IL17RB: variants seen among roughly 807,000 people sequenced by gnomAD.
IL17RB encodes interleukin-17 receptor B.
In IL17RB, 36 loss-of-function variants were observed where a neutral mutation model predicts 43.9. The ratio of observed to expected loss-of-function variants is 0.82; its 90% CI spans 0.63 to 1.08. The LOEUF (loss-of-function observed/expected upper bound fraction) is 1.08, where lower values mean the gene tolerates loss of function less well. Among genes scored for constraint, IL17RB ranks in the 50% least tolerant of loss-of-function variants. The probability of loss-of-function intolerance (pLI) is 0.00; values close to 1 mark genes in which losing one functional copy is unlikely to be tolerated. For missense variants in IL17RB, 613 were observed against 613.6 expected (o/e 1.00, Z 0.01); for synonymous variants, 225 against 225.4 (o/e 1.00, Z 0.02).
chr3:53,860,213 C>A lies in IL17RB; in HGVS notation c.931C>A (p.Leu311Ile), dbSNP rs946706683. ...ATWVLVAGIYLMWRHERIKKT... is the reference protein window; with the variant it reads ...ATWVLVAGIYIMWRHERIKKT... ...ATGGGTGCTGGTGGCAGGGATCTAT[C>A]TAATGTGGAGGCACGGTAAGGGTTA... The change falls in exon 10 of 11, where the codon CTA (leucine) becomes ATA (isoleucine). Residue 311 changes from leucine (L) to isoleucine (I), a missense_variant. Physicochemically the swap from Leu to Ile is conservative, Grantham distance 5 (BLOSUM62 2). Coordinates refer to ENST00000288167, the MANE Select transcript of IL17RB (RefSeq NM_018725.4). 7 of 1,613,146 alleles carry A rather than the reference C, an allele frequency of 4.3e-6. No homozygotes were observed. Among genetic ancestry groups the A allele is most frequent in the Middle Eastern group, 1.7e-4 (1 of 5,986 alleles).
intron 1 of IL17RB, among the ~76,000 whole-genome samples, chr3:53,847,872 C>G (rs1281943315): frequency 6.6e-6 from 1 of 152,080 alleles, no homozygotes; most frequent in Non-Finnish European, 1.5e-5. Context: ...GACAATTTTG[C>G]CCAAACTCAA....
Position 53,860,035 on chromosome 3 carries a change from A to G in IL17RB, c.848-95A>G, listed in dbSNP as rs1699502176. On this transcript the variant is annotated intron_variant, in intron 9 of 10. Transcript: ENST00000288167. ...AAAACTAAAAAATAATAAAAAATAAATAAACCTCTATAAAGTATACCAAGT... is the reference window on the plus strand; with the variant it reads ...AAAACTAAAAAATAATAAAAAATAAGTAAACCTCTATAAAGTATACCAAGT... 3 of 844,958 alleles carry G rather than the reference A, an allele frequency of 3.6e-6. No homozygotes were observed. In the African/African-American group the frequency reaches 5.1e-5, roughly 14 times the overall value. 52.3% of individuals were successfully genotyped at this position (844,958 alleles called of 1,614,324 possible).
intron 3 of IL17RB, among the ~76,000 whole-genome samples, chr3:53,850,107 G>A (rs528638978): frequency 3.9e-4 from 60 of 152,308 alleles, no homozygotes; most frequent in African/African-American, 1.4e-3. Flanking sequence ...AAAAGAGTTT[G>A]TACATTTATA....
At position 53,855,328 on chromosome 3, in the gene IL17RB, G is replaced by T. The variant is rs772381710; in HGVS notation, c.516G>T (p.Lys172Asn). Reference protein sequence around the residue: ...CLDHIMKYKKKCVKAGSLWDP... With the variant: ...CLDHIMKYKKNCVKAGSLWDP... ...ACCACATAATGAAATATAAAAAAAA[G>T]TGTGTCAAGGCCGGTAAGTAAATAC... is the stretch of plus-strand genomic sequence containing the variant. The change falls in exon 6 of 11, where the codon AAG becomes AAT. Residue 172 changes from lysine (K) to asparagine (N), a missense_variant. Coordinates refer to ENST00000288167, the MANE Select transcript of IL17RB (RefSeq NM_018725.4). 6.2e-7 allele frequency: 1 copy of T among 1,605,574 alleles called. No individual in the cohort carries two copies. Among genetic ancestry groups the T allele is most frequent in the South Asian group, 1.1e-5 (1 of 90,398 alleles).
Position 53,865,068 on chromosome 3 carries a change from C to T in IL17RB, c.1269C>T (p.Phe423=), listed in dbSNP as rs747392178. The T allele has an allele frequency of 1.2e-6, 2 of 1,614,124 alleles. No individual in the cohort carries two copies. Among genetic ancestry groups the T allele is most frequent in the Non-Finnish European group, 1.7e-6 (2 of 1,179,980 alleles). The change falls in exon 11 of 11, where the codon TTC becomes TTT. Residue 423 remains phenylalanine (F), a synonymous_variant. Transcript: ENST00000288167. The stretch of plus-strand genomic sequence containing the variant: ...CCAGTGAGAACTCTCAAGACCTCTT[C>T]CCCCTTGCCTTTAACCTTTTCTGCA... The part of the protein sequence containing the change: ...GSPSENSQDL[F]PLAFNLFCSD...
At chr3:53,864,367 T>C (rs902264847) in intron 10 of IL17RB, among the ~76,000 whole-genome samples, 9 of 152,142 alleles carry the variant, frequency 5.9e-5, no homozygotes, top group Admixed American at 5.2e-4. Context: ...AAACCCCGTC[T>C]CTACTAAAAG....
In IL17RB at chr3:53,852,012, G is replaced by T. The variant is rs1178692366; in HGVS notation, c.240G>T (p.Leu80Phe). ...CTATCTCGGCAGCCAGCATCCGCTT[G>T]TTGAAGGCCACCAAGATTTGTGTGA... ...WVLRADASIR[L>F]LKATKICVTG... Residue 80 changes from leucine to phenylalanine, a missense_variant, in exon 4 of 11, where the codon TTG (leucine) becomes TTT (phenylalanine). Coordinates refer to ENST00000288167, the MANE Select transcript of IL17RB (RefSeq NM_018725.4). The T allele has an allele frequency of 1.9e-6, 3 of 1,614,140 alleles. No individual in the cohort carries two copies. Among genetic ancestry groups the T allele is most frequent in the Non-Finnish European group, 2.5e-6 (3 of 1,180,024 alleles).
chr3:53,856,816 A>G, intron 6 of IL17RB, 28 bp from the exon 7 acceptor site: 1 of 1,613,608 alleles, frequency 6.2e-7, no homozygotes, highest in African/African-American at 1.3e-5. Context: ...TAGCAAGTTC[A>G]TCTACATGGT....
At chr3:53,859,941 C>T (rs887310602) in intron 9 of IL17RB, 189 bp from the exon 10 acceptor site, 5 of 474,604 alleles carry the variant, frequency 1.1e-5, no homozygotes, top group Admixed American at 3.4e-5. Context: ...ACCCGGGAGA[C>T]GGAGGCTGCA....
In IL17RB at chr3:53,862,506, A is replaced by G. The variant is rs146589871; in HGVS notation, c.947-2240A>G. On this transcript the variant is annotated intron_variant, in intron 10 of 10. Transcript: ENST00000288167. Reference sequence around the variant, plus strand: ...CTTCACAGGATTTACAACAGAGCCAATCAAGGAAAGAGATTGTAGATGTGG... The same window carrying G: ...CTTCACAGGATTTACAACAGAGCCAGTCAAGGAAAGAGATTGTAGATGTGG... 2.6e-3 allele frequency among the ~76,000 whole-genome samples: 389 copies of G among 152,340 alleles called. 4 individuals carry two copies. The highest frequency in any genetic ancestry group is 9.0e-3 in the African/African-American group (373 of 41,570).
intron 8 of IL17RB, chr3:53,858,014 AG>A (rs1699410316): frequency 3.2e-6 from 1 of 308,326 alleles, no homozygotes; most frequent in Non-Finnish European, 6.3e-6. Flanking sequence ...GAAGCTGCAA[AG>A]GGTTTGAAAT....
At chr3:53,846,797 C>A in intron 1 of IL17RB, 149 bp downstream of exon 1, 2 of 795,848 alleles carry the variant, frequency 2.5e-6, no homozygotes, top group Non-Finnish European at 3.8e-6. Context: ...CAGCCCCGGA[C>A]ATCGGCGTCA....
intron 5 of IL17RB, among the ~76,000 whole-genome samples, chr3:53,854,847 T>G (rs1275569533): frequency 1.3e-5 from 2 of 152,130 alleles, no homozygotes; most frequent in Admixed American, 1.3e-4. Context: ...GGTTTTCGAG[T>G]CCTCTCTTAG....
Position 53,855,284 on chromosome 3 carries a change from A to T in IL17RB, c.482-10A>T. On this transcript the variant is annotated splice_polypyrimidine_tract_variant and intron_variant, in intron 5 of 10. Coordinates refer to ENST00000288167, the MANE Select transcript of IL17RB (RefSeq NM_018725.4). ...TTCTAAAATGTAAAAACTTTCATTC[A>T]AATTTCCAGGCTGCCTAGACCACAT... The T allele has an allele frequency of 6.2e-7, 1 of 1,600,730 alleles. No homozygotes were observed. Among genetic ancestry groups the T allele is most frequent in the Non-Finnish European group, 8.5e-7 (1 of 1,170,202 alleles).
chr3:53,851,371 C>T (rs932825982), intron 3 of IL17RB, among the ~76,000 whole-genome samples: 6 of 152,006 alleles, frequency 3.9e-5, no homozygotes, highest in Non-Finnish European at 5.9e-5. Flanking sequence ...TGGGATAGGG[C>T]GAGAGGAGCT....
rs1699176318 is a variant in IL17RB at position 53,852,200 on chromosome 3, G to A, written c.354+74G>A. ...TCTGTCACCCAGGCTGGAGTGCAGT[G>A]GTGCGATCATGGCTCACTGCGACCT... is the stretch of plus-strand genomic sequence containing the variant. On this transcript the variant is annotated intron_variant, in intron 4 of 10. Coordinates refer to ENST00000288167, the MANE Select transcript of IL17RB (RefSeq NM_018725.4). 5 of 1,386,916 alleles carry A rather than the reference G, an allele frequency of 3.6e-6. No individual in the cohort carries two copies. In the Admixed American group the frequency reaches 5.5e-5, roughly 15 times the overall value. The allele number at this position is 1,386,916 out of a possible 1,614,324, so 85.9% of individuals were successfully genotyped here.
chr3:53,849,994 G>A (rs1404517055), intron 3 of IL17RB, among the ~76,000 whole-genome samples, 199 bp downstream of exon 3: 3 of 152,200 alleles, frequency 2.0e-5, no homozygotes, highest in Non-Finnish European at 2.9e-5. Context: ...ATGCCCAACA[G>A]TAGAAAGGAA....
At position 53,856,961 on chromosome 3, in the gene IL17RB, T is replaced by C; in HGVS notation, c.647T>C (p.Ile216Thr). 1 of 1,614,100 alleles carries C rather than the reference T, an allele frequency of 6.2e-7. No homozygotes were observed. Among genetic ancestry groups the C allele is most frequent in the South Asian group, 1.1e-5 (1 of 91,084 alleles). Residue 216 changes from isoleucine to threonine, a missense_variant, in exon 7 of 11, where the codon ATC becomes ACC. Physicochemically the swap from Ile to Thr is moderately conservative, Grantham distance 89 (BLOSUM62 -1). Transcript: ENST00000288167. ...ATGGCTCTTATCCAACACAGCACTA[T>C]CATCGGGTTTTCTCAGGTGTTTGAG... Reference protein sequence around the residue: ...RYMALIQHSTIIGFSQVFEPH... With the variant: ...RYMALIQHSTTIGFSQVFEPH...
At chr3:53,857,348 C>A (rs1367307523) in intron 7 of IL17RB, among the ~76,000 whole-genome samples, 2 of 152,184 alleles carry the variant, frequency 1.3e-5, no homozygotes, top group Non-Finnish European at 2.9e-5. Flanking sequence ...TGCAGTGGCA[C>A]AATCACAGCT....
Sources: allele counts gnomAD v4.1 joint callset (sites outside exome capture counted in the v4.1 genomes callset), GRCh38; gene constraint gnomAD v4.1.1; transcripts MANE v1.5; gene names NCBI Gene and HGNC (gene_info 2026-07-23, HGNC 2026-07-21).